PGPEP1L: variants seen among roughly 807,000 people sequenced by gnomAD.
The protein encoded by PGPEP1L is pyroglutamyl-peptidase 1-like protein.
In PGPEP1L, 7 loss-of-function variants were observed where a neutral mutation model predicts 6.0. The ratio of observed to expected loss-of-function variants is 1.17; its 90% confidence interval spans 0.66 to 2.19. PGPEP1L has a LOEUF of 2.19. Ranked by LOEUF, PGPEP1L falls within the 30% of genes most tolerant of loss-of-function variation. The pLI is 0.00. For missense variants in PGPEP1L, 209 were observed against 192.5 expected (o/e 1.09, Z -0.51); for synonymous variants, 103 against 83.9 (o/e 1.23, Z -1.24).
intron 1 of PGPEP1L, among the ~76,000 whole-genome samples, 194 bp from the exon 2 acceptor site, chr15:99,005,850 G>A (rs558716036): frequency 3.3e-5 from 5 of 152,260 alleles, no homozygotes; most frequent in South Asian, 2.1e-4. Context: ...TGTCTGGGAC[G>A]GAACACCACA....
chr15:98,984,701 G>C (rs1327056110), intron 2 of PGPEP1L, among the ~76,000 whole-genome samples: 1 of 152,172 alleles, frequency 6.6e-6, no homozygotes, highest in Non-Finnish European at 1.5e-5. Flanking sequence ...CAGAATCCCA[G>C]TGGATCCTAC....
intron 2 of PGPEP1L, among the ~76,000 whole-genome samples, chr15:98,979,445 A>G (rs1401035455): frequency 2.0e-5 from 3 of 152,186 alleles, no homozygotes; most frequent in African/African-American, 7.2e-5. Context: ...TCTATATATA[A>G]GTAGTGTGGT....
At chr15:99,002,891 G>C (rs1355194457) in intron 2 of PGPEP1L, among the ~76,000 whole-genome samples, 2 of 152,206 alleles carry the variant, frequency 1.3e-5, no homozygotes, top group African/African-American at 4.8e-5. Context: ...GATGAGGAAA[G>C]GGCTGTGACT....
intron 2 of PGPEP1L, among the ~76,000 whole-genome samples, chr15:98,990,947 G>C (rs555838128): frequency 1.3e-5 from 2 of 152,280 alleles, no homozygotes; most frequent in South Asian, 2.1e-4. Context: ...CAGAATCTCT[G>C]GGACACATTT....
intron 2 of PGPEP1L, among the ~76,000 whole-genome samples, chr15:98,976,675 G>A (rs1225015897): frequency 6.6e-6 from 1 of 152,196 alleles, no homozygotes; most frequent in Non-Finnish European, 1.5e-5. Context: ...GGCCACTCCA[G>A]AATTTTCTGG....
At chr15:98,996,541 T>C (rs868963843) in intron 2 of PGPEP1L, among the ~76,000 whole-genome samples, 1 of 146,748 alleles carries the variant, frequency 6.8e-6, no homozygotes, top group Non-Finnish European at 1.5e-5. Context: ...TGTGTGTGTG[T>C]GTGTGCATAT....
At chr15:98,973,916 T>A (rs1046823388) in intron 2 of PGPEP1L, among the ~76,000 whole-genome samples, 1 of 152,070 alleles carries the variant, frequency 6.6e-6, no homozygotes, top group African/African-American at 2.4e-5. Flanking sequence ...TATGAATAGG[T>A]GGTTTTGGGA....
intron 2 of PGPEP1L, among the ~76,000 whole-genome samples, chr15:99,003,176 A>AG (rs1342805206): frequency 4.7e-5 from 7 of 148,902 alleles, no homozygotes; most frequent in African/African-American, 1.8e-4. Context: ...AGAAAAAAAA[A>AG]AGGGCAGTTA....
At chr15:98,972,695 C>T (rs1596511051) in intron 2 of PGPEP1L, among the ~76,000 whole-genome samples, 1 of 151,580 alleles carries the variant, frequency 6.6e-6, no homozygotes, top group East Asian at 1.9e-4. Context: ...AGTGAAACCC[C>T]CCCATCTCTA....
chr15:98,999,291 G>A (rs1555472742), intron 2 of PGPEP1L, among the ~76,000 whole-genome samples: 1 of 152,228 alleles, frequency 6.6e-6, no homozygotes, highest in African/African-American at 2.4e-5. Context: ...AGACATGTCA[G>A]TGATGAGGAT....
chr15:98,989,294 C>G (rs1037175656), intron 2 of PGPEP1L, among the ~76,000 whole-genome samples: 1 of 152,092 alleles, frequency 6.6e-6, no homozygotes, highest in African/African-American at 2.4e-5. Context: ...ACATAATTGA[C>G]CTGATGGAGC....
chr15:98,971,947 T>C (rs1465873310), intron 2 of PGPEP1L, among the ~76,000 whole-genome samples: 1 of 152,268 alleles, frequency 6.6e-6, no homozygotes, highest in African/African-American at 2.4e-5. Flanking sequence ...TACTTTTCTT[T>C]GCAATCCATG....
At chr15:98,997,787 C>T (rs2017908309) in intron 2 of PGPEP1L, among the ~76,000 whole-genome samples, 1 of 152,088 alleles carries the variant, frequency 6.6e-6, no homozygotes, top group Non-Finnish European at 1.5e-5. Context: ...TGACTTTCCC[C>T]CGGGCCCCAT....
At chr15:98,995,378 C>T (rs879971185) in intron 2 of PGPEP1L, among the ~76,000 whole-genome samples, 3 of 152,098 alleles carry the variant, frequency 2.0e-5, no homozygotes, top group Admixed American at 2.0e-4. Context: ...ATATAATTCA[C>T]CTCCCATACA....
At chr15:98,981,489 C>CAAAA (rs769918543) in intron 2 of PGPEP1L, among the ~76,000 whole-genome samples, 11 of 82,114 alleles carry the variant, frequency 1.3e-4, no homozygotes, top group African/African-American at 3.1e-4. Context: ...GACTCCGTCT[C>CAAAA]AAAAAAAAAA....
chr15:98,973,427 A>G (rs941242925), intron 2 of PGPEP1L, among the ~76,000 whole-genome samples: 3 of 152,362 alleles, frequency 2.0e-5, no homozygotes, highest in African/African-American at 7.2e-5. Context: ...TCAACAGCAC[A>G]TGGATCATTC....
intron 2 of PGPEP1L, among the ~76,000 whole-genome samples, chr15:98,983,525 T>C (rs2017699293): frequency 6.6e-6 from 1 of 152,208 alleles, no homozygotes; most frequent in African/African-American, 2.4e-5. Context: ...TTTTATTTGC[T>C]GACTCACCAG....
At chr15:99,001,175 T>C in intron 2 of PGPEP1L, 1 of 443,438 alleles carries the variant, frequency 2.3e-6, no homozygotes, top group Non-Finnish European at 4.5e-6. Flanking sequence ...CTTTAAGAAC[T>C]GTAACACTCA....
At chr15:98,997,030 G>C (rs2017897917) in intron 2 of PGPEP1L, among the ~76,000 whole-genome samples, 1 of 152,122 alleles carries the variant, frequency 6.6e-6, no homozygotes, top group Non-Finnish European at 1.5e-5. Context: ...GCCACTGTTG[G>C]AGCTAAACCC....
Sources: allele counts gnomAD v4.1 joint callset (sites outside exome capture counted in the v4.1 genomes callset), GRCh38; gene constraint gnomAD v4.1.1; transcripts MANE v1.5; gene names NCBI Gene and HGNC (gene_info 2026-07-23, HGNC 2026-07-21).